ADAMTS15: variants seen among roughly 807,000 people sequenced by gnomAD.
ADAMTS15 encodes the protein ADAM metallopeptidase with thrombospondin type 1 motif 15.
ADAMTS15 carries 35 observed loss-of-function variants against 79.1 expected under a neutral mutation model. The ratio of observed to expected loss-of-function variants is 0.44; its 90% CI spans 0.34 to 0.59. ADAMTS15 has a LOEUF of 0.59. Among genes scored for constraint, ADAMTS15 ranks in the 20% least tolerant of loss-of-function variants. ADAMTS15 has a pLI of 0.02. For missense variants in ADAMTS15, 1,324 were observed against 1,318.7 expected, an observed-to-expected ratio of 1.00 and a Z score of -0.06; for synonymous variants, 616 against 567.3, an observed-to-expected ratio of 1.09 and a Z score of -1.22.
chr11:130,464,577 ACCTTCCCATCATGCCTCAC>A (rs1244715520), intron 4 of ADAMTS15, among the ~76,000 whole-genome samples: 1 of 151,968 alleles, frequency 6.6e-6, no homozygotes, highest in African/African-American at 2.4e-5. Flanking sequence ...TGCTACAACA[ACCTTCCCATCATGCCTCAC>A]CCTTCCCATC....
chr11:130,461,725 C>T (rs1424214733), intron 2 of ADAMTS15, 104 bp downstream of exon 2: 8 of 1,497,046 alleles, frequency 5.3e-6, no homozygotes, highest in South Asian at 5.0e-5. Flanking sequence ...AGCCTTAGGA[C>T]CCCTTCTTAG....
chr11:130,463,381 C>A (rs190247893), intron 4 of ADAMTS15, among the ~76,000 whole-genome samples: 12 of 152,312 alleles, frequency 7.9e-5, no homozygotes, highest in South Asian at 4.1e-4. Context: ...AGCAACCAAA[C>A]AAGAACACAT....
Position 130,470,990 on chromosome 11 carries a change from C to T in ADAMTS15, c.1791C>T (p.Leu597=). The change falls in exon 6 of 8, where the codon CTC becomes CTT. Residue 597 remains leucine, a synonymous_variant. Coordinates refer to ENST00000299164, the MANE Select transcript of ADAMTS15 (RefSeq NM_139055.4). ...GCTACAACCACAGCACCAACCGGCT[C>T]ACTCTCGCCGTGGCATGGGTGCCCA... ...FNGYNHSTNR[L]TLAVAWVPKY... is the part of the protein sequence containing the mutation. 6.2e-7 allele frequency: 1 copy of T among 1,613,866 alleles called. No individual in the cohort carries two copies. Among genetic ancestry groups the T allele is most frequent in the African/African-American group, 1.3e-5 (1 of 75,058 alleles).
At position 130,475,500 on chromosome 11, in the gene ADAMTS15, C is replaced by G. The variant is rs1938563995; in HGVS notation, c.*1679C>G. Reference sequence around the variant, plus strand: ...GAATTTTCTGGAGCTAAGATCAAAGCATGTGTCTTCCTGGGAGAGAAGAGT... The same window carrying G: ...GAATTTTCTGGAGCTAAGATCAAAGGATGTGTCTTCCTGGGAGAGAAGAGT... On this transcript the variant is annotated 3_prime_UTR_variant, in exon 8 of 8. Transcript: ENST00000299164. 1 of 152,234 alleles carries G rather than the reference C, an allele frequency of 6.6e-6. No homozygotes were observed. Among genetic ancestry groups the G allele is most frequent in the Admixed American group, 6.5e-5 (1 of 15,274 alleles). The allele number at this position is 152,234 out of a possible 1,614,324, so 9.4% of individuals were successfully genotyped here. A position where few individuals can be genotyped will look rare whatever the true frequency, so the allele number is the denominator to read the frequency against.
intron 4 of ADAMTS15, among the ~76,000 whole-genome samples, chr11:130,464,817 A>G (rs1270251801): frequency 6.6e-6 from 1 of 151,848 alleles, no homozygotes; most frequent in Non-Finnish European, 1.5e-5. Flanking sequence ...AAATACACAA[A>G]TTAGTGGGAT....
At position 130,468,495 on chromosome 11, in the gene ADAMTS15, G is replaced by A. The variant is rs867211993; in HGVS notation, c.1543-767G>A. ...AAAATACAAAATAAGGCCGGGCGCG[G>A]TGGCTCAAGCCTGTAATCCCAGCAC... is the stretch of plus-strand genomic sequence containing the variant. On this transcript the variant is annotated intron_variant, in intron 4 of 7. Coordinates refer to ENST00000299164, the MANE Select transcript of ADAMTS15 (RefSeq NM_139055.4). Among the ~76,000 whole-genome samples, 110 of 152,256 alleles carry A rather than the reference G, an allele frequency of 7.2e-4. 1 individual carries two copies. Among genetic ancestry groups the A allele is most frequent in the African/African-American group, 2.1e-3 (88 of 41,550 alleles).
intron 5 of ADAMTS15, among the ~76,000 whole-genome samples, chr11:130,470,162 ATATATATATATATATATATGTGTG>A (rs1293535519): frequency 2.3e-4 from 13 of 56,576 alleles, no homozygotes; most frequent in South Asian, 9.4e-4. Flanking sequence ...GTGTATATAT[ATATATATATATATATATATGTGTG>A]TATATATATA....
At position 130,462,461 on chromosome 11, in the gene ADAMTS15, C is replaced by G. The variant is rs775363735; in HGVS notation, c.1259-36C>G. On this transcript the variant is annotated intron_variant, in intron 3 of 7. Coordinates refer to ENST00000299164, the MANE Select transcript of ADAMTS15 (RefSeq NM_139055.4). The surrounding 1 kb of genome is among the most constrained non-coding windows in gnomAD (Gnocchi z 4.3). The stretch of plus-strand genomic sequence containing the variant: ...CTGGGCTAGCCAAACCTCATCTTCC[C>G]AGCTCATCCTAACGAACGCCCTCGG... The G allele has an allele frequency of 6.4e-7, 1 of 1,552,940 alleles. No individual in the cohort carries two copies. Among genetic ancestry groups the G allele is most frequent in the Middle Eastern group, 1.7e-4 (1 of 5,792 alleles).
At chr11:130,469,773 A>G (rs1209383934) in intron 5 of ADAMTS15, among the ~76,000 whole-genome samples, 1 of 152,150 alleles carries the variant, frequency 6.6e-6, no homozygotes, top group African/African-American at 2.4e-5. Context: ...AAGTCCTCTT[A>G]TCTGAGGCCT....
chr11:130,450,222 G>T, intron 1 of ADAMTS15: 1 of 985,492 alleles, frequency 1.0e-6, no homozygotes, highest in Non-Finnish European at 1.2e-6. Context: ...CGGAACCCAG[G>T]AAGTTGCCGC....
chr11:130,471,171 T>C (rs1938447583), intron 6 of ADAMTS15, 37 bp from the exon 7 acceptor site: 1 of 1,586,640 alleles, frequency 6.3e-7, no homozygotes, highest in Non-Finnish European at 8.6e-7. Flanking sequence ...TGAGCTGCCC[T>C]GCTCTTCCTT....
Position 130,469,278 on chromosome 11 carries a change from C to G in ADAMTS15, c.1559C>G (p.Ala520Gly), listed in dbSNP as rs554691902. ...TCCTCACAGGTGGATGGTTCCTGGG[C>G]CAAATGGGATCCCTATGGCCCCTGC... ...LNKHRVDGSW[A>G]KWDPYGPCSR... The change falls in exon 5 of 8, where the codon GCC becomes GGC. Residue 520 changes from alanine to glycine, a missense_variant. Transcript: ENST00000299164. 4.3e-6 allele frequency: 6 copies of G among 1,400,264 alleles called. No individual in the cohort carries two copies. In the African/African-American group the frequency reaches 7.4e-5, roughly 17 times the overall value. 86.7% of individuals were successfully genotyped at this position (1,400,264 alleles called of 1,614,324 possible). A position where few individuals can be genotyped will look rare whatever the true frequency, so the allele number is the denominator to read the frequency against.
rs899024375 is a variant in ADAMTS15, at chr11:130,473,973, T to G, written c.*152T>G. The G allele has an allele frequency of 3.7e-6, 4 of 1,091,140 alleles. No homozygotes were observed. In the African/African-American group the frequency reaches 6.4e-5, roughly 17 times the overall value. The allele number at this position is 1,091,140 out of a possible 1,614,324, so 67.6% of individuals were successfully genotyped here. ...AAGGACCATGGGCTGGGGCGAGAGG[T>G]TCCCTCCTCCTCCCTGGACTGGGCA... On this transcript the variant is annotated 3_prime_UTR_variant, in exon 8 of 8. Transcript: ENST00000299164.
rs372383143 is a variant in ADAMTS15, at chr11:130,462,336, C to T, written c.1258+82C>T. ...CCCCTGGTGGAGGTGCTCACTTCTC[C>T]GTCCTCTGTACATTAGGTGTGTGTG... On this transcript the variant is annotated intron_variant, in intron 3 of 7. Transcript: ENST00000299164. The surrounding 1 kb of genome is among the most constrained non-coding windows in gnomAD (Gnocchi z 4.3). 25 of 1,517,658 alleles carry T rather than the reference C, an allele frequency of 1.6e-5. No individual in the cohort carries two copies. Among genetic ancestry groups the T allele is most frequent in the Middle Eastern group, 3.5e-4 (2 of 5,732 alleles). 94.0% of individuals were successfully genotyped at this position (1,517,658 alleles called of 1,614,324 possible). A position where few individuals can be genotyped will look rare whatever the true frequency, so the allele number is the denominator to read the frequency against.
At chr11:130,471,945 G>A (rs1938469724) in intron 7 of ADAMTS15, among the ~76,000 whole-genome samples, 2 of 152,252 alleles carry the variant, frequency 1.3e-5, no homozygotes, top group African/African-American at 2.4e-5. Context: ...AGATTGAGGT[G>A]AGAATGGCAA....
chr11:130,450,273 C>A, intron 1 of ADAMTS15: 1 of 985,448 alleles, frequency 1.0e-6, no homozygotes, highest in Non-Finnish European at 1.2e-6. Context: ...TAGGAGACGC[C>A]GTGAGGATGG....
rs199895882 is a variant in ADAMTS15 at position 130,449,831 on chromosome 11, C to T, written c.858C>T (p.Ala286=). 2.0e-5 allele frequency: 32 copies of T among 1,609,194 alleles called. No homozygotes were observed. The highest frequency in any genetic ancestry group is 2.6e-5 in the Non-Finnish European group (31 of 1,180,020). ...DSGPKVTGNA[A]LTLRNFCAWQ... ...GGCCCAAGGTCACCGGCAATGCGGC[C>T]CTGACGCTGCGCAACTTCTGTGCCT... The change falls in exon 1 of 8, where the codon GCC becomes GCT. Residue 286 remains alanine, a synonymous_variant. Coordinates refer to ENST00000299164, the MANE Select transcript of ADAMTS15 (RefSeq NM_139055.4). This position sits in a 1 kb window ranked among gnomAD's most constrained non-coding sequence, Gnocchi z 7.8.
In ADAMTS15 at chr11:130,473,716, C is replaced by G. The variant is rs760426081; in HGVS notation, c.2748C>G (p.Arg916=). Residue 916 remains arginine, a synonymous_variant, in exon 8 of 8, where the codon CGC becomes CGG. Transcript: ENST00000299164. ...SKSCGRGFQR[R]SLKCVGHGGR... ...GCTGCGGCCGGGGATTTCAGAGGCG[C>G]TCACTCAAGTGTGTGGGCCACGGAG... The G allele has an allele frequency of 5.6e-6, 9 of 1,600,420 alleles. No individual in the cohort carries two copies. In the Admixed American group the frequency reaches 1.5e-4, roughly 27 times the overall value.
chr11:130,458,661 G>A (rs903299453), intron 1 of ADAMTS15, among the ~76,000 whole-genome samples: 6 of 152,208 alleles, frequency 3.9e-5, no homozygotes, highest in African/African-American at 1.4e-4. Context: ...GAAGAGAGAG[G>A]ACTTGGATAA....
Sources: gnomAD v4.1 joint callset for allele counts (sites outside exome capture counted in the v4.1 genomes callset) on GRCh38, gnomAD v4.1.1 for gene constraint, Gnocchi (gnomAD v3.1) non-coding constraint, MANE v1.5 for transcripts, NCBI Gene and HGNC (gene_info 2026-07-23, HGNC 2026-07-21) for gene names.